Variants in NUDCD3 observed in about 807,000 individuals in gnomAD.
NUDCD3 encodes the protein nudC domain-containing protein 3.
A neutral mutation model predicts 39.7 loss-of-function variants in NUDCD3; 13 were observed. The observed-to-expected ratio is 0.33, with a 90% CI of 0.21 to 0.52. The LOEUF (loss-of-function observed/expected upper bound fraction) is 0.52, where lower values mean the gene tolerates loss of function less well. NUDCD3 is among the 20% of genes least tolerant of loss of function. The probability of loss-of-function intolerance (pLI) is 0.96; values close to 1 mark genes in which losing one functional copy is unlikely to be tolerated. For missense variants in NUDCD3, 453 were observed against 458.1 expected (o/e 0.99, Z 0.10); for synonymous variants, 175 against 172.4 (o/e 1.02, Z -0.12).
At chr7:44,388,224 A>C (rs1798433470) in intron 5 of NUDCD3, among the ~76,000 whole-genome samples, 1 of 152,252 alleles carries the variant, frequency 6.6e-6, no homozygotes, top group South Asian at 2.1e-4. Context: ...TCAATGCCAG[A>C]GCACGCTGGT....
At chr7:44,476,130 G>A (rs975334891) in intron 2 of NUDCD3, among the ~76,000 whole-genome samples, 5 of 152,062 alleles carry the variant, frequency 3.3e-5, no homozygotes, top group African/African-American at 9.7e-5. Flanking sequence ...AAAAAGCCTC[G>A]ACTAGTAAAG....
At chr7:44,421,245 A>AATTCT (rs1326235897) in intron 3 of NUDCD3, among the ~76,000 whole-genome samples, 1 of 151,790 alleles carries the variant, frequency 6.6e-6, no homozygotes, top group Non-Finnish European at 1.5e-5. Flanking sequence ...GAGGCAGGAG[A>AATTCT]ATCACTTGAA....
intron 4 of NUDCD3, among the ~76,000 whole-genome samples, chr7:44,396,496 C>T (rs1301334503): frequency 6.6e-6 from 1 of 152,132 alleles, no homozygotes; most frequent in Non-Finnish European, 1.5e-5. Context: ...TATTGACTTG[C>T]CTGGAGTCCC....
chr7:44,458,936 C>CTCTGTGTG (rs1554493956), intron 2 of NUDCD3, among the ~76,000 whole-genome samples: 1 of 116,062 alleles, frequency 8.6e-6, no homozygotes, highest in African/African-American at 3.3e-5. Context: ...ACGGGGAGTG[C>CTCTGTGTG]TGTGTGTGTG....
intron 2 of NUDCD3, among the ~76,000 whole-genome samples, chr7:44,457,378 C>G (rs1799924749): frequency 6.6e-6 from 1 of 152,184 alleles, no homozygotes; most frequent in Non-Finnish European, 1.5e-5. Flanking sequence ...GTAAAATTAT[C>G]TGTTTGCAAA....
At chr7:44,457,954 C>A (rs2116944821) in intron 2 of NUDCD3, among the ~76,000 whole-genome samples, 1 of 152,312 alleles carries the variant, frequency 6.6e-6, no homozygotes, top group East Asian at 1.9e-4. Context: ...TACAGTTTAA[C>A]AGGACCCAGC....
chr7:44,393,888 C>T (rs529052483), intron 4 of NUDCD3, among the ~76,000 whole-genome samples: 11 of 152,244 alleles, frequency 7.2e-5, no homozygotes, highest in South Asian at 2.1e-4. Context: ...CAGGACACCA[C>T]GTCCCCCCAA....
intron 3 of NUDCD3, among the ~76,000 whole-genome samples, chr7:44,411,886 A>G (rs1019629595): frequency 9.2e-5 from 14 of 152,244 alleles, no homozygotes; most frequent in South Asian, 6.2e-4. Flanking sequence ...TGGAGGTACA[A>G]GTAGATGCAC....
intron 2 of NUDCD3, among the ~76,000 whole-genome samples, chr7:44,441,092 T>C (rs572362357): frequency 2.0e-4 from 30 of 152,368 alleles, no homozygotes; most frequent in African/African-American, 7.0e-4. Context: ...GGTGCCACTA[T>C]TCACAGCACT....
At chr7:44,416,752 T>A (rs187596966) in intron 3 of NUDCD3, among the ~76,000 whole-genome samples, 1 of 152,170 alleles carries the variant, frequency 6.6e-6, no homozygotes, top group African/African-American at 2.4e-5. Flanking sequence ...CTTCCTTCCA[T>A]CCTTCTATCC....
intron 2 of NUDCD3, among the ~76,000 whole-genome samples, chr7:44,435,217 C>T (rs1799442060): frequency 6.6e-6 from 1 of 152,062 alleles, no homozygotes; most frequent in South Asian, 2.1e-4. Context: ...ATGACAGTAG[C>T]CTGCCTACTT....
At chr7:44,394,678 G>C (rs1585051224) in intron 4 of NUDCD3, among the ~76,000 whole-genome samples, 1 of 152,170 alleles carries the variant, frequency 6.6e-6, no homozygotes, top group African/African-American at 2.4e-5. Context: ...TAAAAATGAG[G>C]ACAAACCCTT....
chr7:44,445,472 G>T (rs1232159805), intron 2 of NUDCD3, among the ~76,000 whole-genome samples: 2 of 152,150 alleles, frequency 1.3e-5, no homozygotes, highest in East Asian at 3.8e-4. Flanking sequence ...TCATTTCTTT[G>T]CACAGGTTCC....
At chr7:44,437,236 A>G (rs1419922806) in intron 2 of NUDCD3, among the ~76,000 whole-genome samples, 1 of 150,594 alleles carries the variant, frequency 6.6e-6, no homozygotes, top group Non-Finnish European at 1.5e-5. Flanking sequence ...CACCTGGCTA[A>G]TTTTTGTATT....
intron 4 of NUDCD3, among the ~76,000 whole-genome samples, chr7:44,394,333 T>C (rs1335143387): frequency 1.3e-5 from 2 of 152,226 alleles, no homozygotes; most frequent in African/African-American, 2.4e-5. Flanking sequence ...CATTTCCAGA[T>C]ACTCTGCTAA....
intron 2 of NUDCD3, among the ~76,000 whole-genome samples, chr7:44,475,890 T>C (rs942656794): frequency 1.3e-5 from 2 of 152,206 alleles, no homozygotes; most frequent in African/African-American, 4.8e-5. Context: ...TTCCAAATAT[T>C]GTACATTGAG....
chr7:44,487,520 A>G (rs1800636712), intron 1 of NUDCD3, among the ~76,000 whole-genome samples: 1 of 151,604 alleles, frequency 6.6e-6, no homozygotes, highest in Non-Finnish European at 1.5e-5. Flanking sequence ...GAGATCACCT[A>G]CTACCACGAA....
At position 44,467,024 on chromosome 7, in the gene NUDCD3, G is replaced by C. The variant is rs566262188; in HGVS notation, c.509+17944C>G. Among the ~76,000 whole-genome samples the C allele has an allele frequency of 2.6e-5, 4 of 152,262 alleles. No homozygotes were observed. In the East Asian group the frequency reaches 7.7e-4, roughly 29 times the overall value. On this transcript the variant is annotated intron_variant, in intron 2 of 5. Transcript: ENST00000355451. Reference sequence around the variant, plus strand: ...TCAGCTATCAGCAGTGAAGATTGAGGGGCACTGACTGGTTTCTTTCCCCAC... The same window carrying C: ...TCAGCTATCAGCAGTGAAGATTGAGCGGCACTGACTGGTTTCTTTCCCCAC...
intron 2 of NUDCD3, among the ~76,000 whole-genome samples, chr7:44,462,676 T>C (rs1409655090): frequency 6.6e-6 from 1 of 152,224 alleles, no homozygotes. Flanking sequence ...CAATGGGCAC[T>C]GTCCCCTGCC....
Sources: allele counts gnomAD v4.1 joint callset (sites outside exome capture counted in the v4.1 genomes callset), GRCh38; gene constraint gnomAD v4.1.1; transcripts MANE v1.5; gene names NCBI Gene and HGNC (gene_info 2026-07-23, HGNC 2026-07-21).